EDAR: variants seen among roughly 807,000 people sequenced by gnomAD.
EDAR encodes the protein ectodysplasin A receptor.
EDAR carries 38 observed loss-of-function variants against 51.3 expected under a neutral mutation model. The ratio of observed to expected loss-of-function variants is 0.74; its 90% CI spans 0.57 to 0.97. The LOEUF (loss-of-function observed/expected upper bound fraction) is 0.97. Ranked by LOEUF, EDAR falls within the 50% of genes least tolerant of loss-of-function variation. EDAR has a pLI of 0.00. For synonymous variants in EDAR, 227 were observed against 242.1 expected, an observed-to-expected ratio of 0.94 and a Z score of 0.58; for missense variants, 528 against 595.0, an observed-to-expected ratio of 0.89 and a Z score of 1.17.
rs1182115191 is a variant in EDAR at position 108,894,749 on chromosome 2, C to T, written c.*2158G>A. 1 of 143,416 alleles carries T rather than the reference C, an allele frequency of 7.0e-6. No individual in the cohort carries two copies. Among genetic ancestry groups the T allele is most frequent in the African/African-American group, 2.9e-5 (1 of 34,558 alleles). The allele number at this position is 143,416 out of a possible 1,614,324, so 8.9% of individuals were successfully genotyped here. ...CTTGTCAGAGTAAATCCCATGTTTC[C>T]AAATAAGTAAATGACAAGGGAATTT... On this transcript the variant is annotated 3_prime_UTR_variant, in exon 12 of 12. Transcript: ENST00000258443.
intron 1 of EDAR, among the ~76,000 whole-genome samples, chr2:108,939,054 AG>A (rs1697535516): frequency 6.6e-6 from 1 of 151,856 alleles, no homozygotes; most frequent in African/African-American, 2.4e-5. Flanking sequence ...CTGGGATTAC[AG>A]GCATGAGCCA....
chr2:108,912,078 G>A (rs962401344), intron 6 of EDAR, among the ~76,000 whole-genome samples: 2 of 152,200 alleles, frequency 1.3e-5, no homozygotes, highest in African/African-American at 4.8e-5. Flanking sequence ...TGAAGCTGAC[G>A]AGCTGGGTGC....
At chr2:108,974,348 A>T (rs933434668) in intron 1 of EDAR, among the ~76,000 whole-genome samples, 1 of 150,882 alleles carries the variant, frequency 6.6e-6, no homozygotes, top group Non-Finnish European at 1.5e-5. Flanking sequence ...AAAAAAAAAA[A>T]AAAAAAGAAA....
intron 6 of EDAR, among the ~76,000 whole-genome samples, chr2:108,911,834 C>T (rs260628): frequency 0.81 from 123,857 of 152,186 alleles, 50,607 homozygotes; most frequent in East Asian, 0.92. Flanking sequence ...CTGAGAACCC[C>T]GCATGTGGGC....
chr2:108,924,773 A>G (rs1255848636), intron 4 of EDAR, among the ~76,000 whole-genome samples: 1 of 152,224 alleles, frequency 6.6e-6, no homozygotes, highest in Non-Finnish European at 1.5e-5. Context: ...AGAAGCCACG[A>G]CAGCCAGTTT....
At chr2:108,927,541 C>T (rs1270762119) in intron 4 of EDAR, among the ~76,000 whole-genome samples, 1 of 152,172 alleles carries the variant, frequency 6.6e-6, no homozygotes, top group East Asian at 1.9e-4. Context: ...TGGACACCTT[C>T]TCAGGTCTGA....
chr2:108,906,753 A>G (rs1300665072), intron 10 of EDAR, among the ~76,000 whole-genome samples: 6 of 152,358 alleles, frequency 3.9e-5, no homozygotes, highest in Non-Finnish European at 8.8e-5. Context: ...CCAGGAGACC[A>G]GGCCCACGGT....
At chr2:108,927,111 G>C (rs1433588781) in intron 4 of EDAR, among the ~76,000 whole-genome samples, 2 of 152,178 alleles carry the variant, frequency 1.3e-5, no homozygotes, top group Non-Finnish European at 2.9e-5. Flanking sequence ...GCACATCATG[G>C]AGCCAACCTG....
intron 1 of EDAR, among the ~76,000 whole-genome samples, chr2:108,958,016 T>TA (rs990253042): frequency 8.6e-5 from 13 of 151,490 alleles, no homozygotes; most frequent in Non-Finnish European, 1.3e-4. Context: ...CCCTTTGGAT[T>TA]AAAAAAAAAT....
At chr2:108,928,301 C>T (rs1697296994) in intron 4 of EDAR, among the ~76,000 whole-genome samples, 2 of 152,208 alleles carry the variant, frequency 1.3e-5, no homozygotes, top group South Asian at 4.1e-4. Flanking sequence ...ATCCAGGCAT[C>T]ACCTCCACAA....
intron 1 of EDAR, among the ~76,000 whole-genome samples, chr2:108,966,088 C>T (rs1558837149): frequency 6.6e-6 from 1 of 152,072 alleles, no homozygotes; most frequent in Non-Finnish European, 1.5e-5. Context: ...CAGTTTATAG[C>T]CTTGGAGTTC....
At chr2:108,916,059 A>C (rs1364100757) in intron 5 of EDAR, among the ~76,000 whole-genome samples, 1 of 152,100 alleles carries the variant, frequency 6.6e-6, no homozygotes, top group Non-Finnish European at 1.5e-5. Flanking sequence ...GAGGCTTCAG[A>C]TTGTGTGCCC....
At chr2:108,927,032 C>T (rs1036412161) in intron 4 of EDAR, among the ~76,000 whole-genome samples, 23 of 152,170 alleles carry the variant, frequency 1.5e-4, no homozygotes, top group African/African-American at 3.9e-4. Context: ...GGCTGGGATT[C>T]GGAGGTGAGG....
chr2:108,961,719 G>A (rs905058063), intron 1 of EDAR, among the ~76,000 whole-genome samples: 3 of 152,152 alleles, frequency 2.0e-5, no homozygotes, highest in Non-Finnish European at 4.4e-5. Context: ...GGGTGGGTGC[G>A]GAAAAGCCTG....
chr2:108,947,254 C>T (rs1441481155), intron 1 of EDAR, among the ~76,000 whole-genome samples: 1 of 152,244 alleles, frequency 6.6e-6, no homozygotes. Context: ...TGGCTTTGGA[C>T]AGCTCTGCCT....
At chr2:108,903,736 A>G (rs1696747224) in intron 11 of EDAR, among the ~76,000 whole-genome samples, 1 of 152,212 alleles carries the variant, frequency 6.6e-6, no homozygotes, top group African/African-American at 2.4e-5. Flanking sequence ...CATATCTTCT[A>G]TAAAAATCAA....
chr2:108,905,715 A>T (rs1203545730), intron 11 of EDAR, among the ~76,000 whole-genome samples: 1 of 152,134 alleles, frequency 6.6e-6, no homozygotes, highest in Non-Finnish European at 1.5e-5. Flanking sequence ...GTAATTTAGA[A>T]AGTGGATTTT....
intron 1 of EDAR, among the ~76,000 whole-genome samples, chr2:108,972,775 G>C (rs1425879595): frequency 6.6e-6 from 1 of 152,182 alleles, no homozygotes; most frequent in Non-Finnish European, 1.5e-5. Flanking sequence ...AGACTCAGAA[G>C]GGGGTGAGGA....
intron 1 of EDAR, among the ~76,000 whole-genome samples, chr2:108,983,399 A>G (rs1268436820): frequency 3.3e-5 from 5 of 152,198 alleles, no homozygotes; most frequent in Admixed American, 2.6e-4. Context: ...ACCCAAGGAC[A>G]CAGAGCCTCA....
Sources: gnomAD v4.1 joint callset for allele counts (sites outside exome capture counted in the v4.1 genomes callset) on GRCh38, gnomAD v4.1.1 for gene constraint, MANE v1.5 for transcripts, NCBI Gene and HGNC (gene_info 2026-07-23, HGNC 2026-07-21) for gene names.